Variants in ATG2A observed in about 807,000 individuals in gnomAD.
ATG2A encodes the protein autophagy-related protein 2 homolog A.
A neutral mutation model predicts 214.2 loss-of-function variants in ATG2A; 103 were observed. The observed-to-expected ratio is 0.48, with a 90% CI of 0.41 to 0.57. The LOEUF (loss-of-function observed/expected upper bound fraction) is 0.57. Ranked by LOEUF, ATG2A falls within the 20% of genes least tolerant of loss-of-function variation. ATG2A has a pLI of 0.00. For synonymous variants in ATG2A, 1,160 were observed against 1,142.1 expected, an observed-to-expected ratio of 1.02 and a Z score of -0.32; for missense variants, 2,312 against 2,613.2, an observed-to-expected ratio of 0.88 and a Z score of 2.51.
In ATG2A at chr11:64,905,852, C is replaced by T; in HGVS notation, c.3265-4G>A. On this transcript the variant is annotated splice_polypyrimidine_tract_variant and splice_region_variant and intron_variant, in intron 22 of 40. Coordinates refer to ENST00000377264, the MANE Select transcript of ATG2A (RefSeq NM_015104.3). ...GCACGTCTAGGAACTCCAACAACTT[C>T]AGAGGCCAGGGCAGGAGGAAGCAGT... The T allele has an allele frequency of 1.2e-6, 2 of 1,613,048 alleles. No homozygotes were observed. The highest frequency in any genetic ancestry group is 1.7e-6 in the Non-Finnish European group (2 of 1,179,804).
rs761324656 is a variant in ATG2A at position 64,894,721 on chromosome 11, C to T, written c.*252G>A. 2 of 696,234 alleles carry T rather than the reference C, an allele frequency of 2.9e-6. No individual in the cohort carries two copies. Among genetic ancestry groups the T allele is most frequent in the South Asian group, 3.0e-5 (2 of 66,896 alleles). 43.1% of individuals were successfully genotyped at this position (696,234 alleles called of 1,614,324 possible). On this transcript the variant is annotated 3_prime_UTR_variant, in exon 41 of 41. Transcript: ENST00000377264. ...CAAAAGCCTCCGTCCTGGGAGAAGG[C>T]AGCAGTGTGGGCCCAGGTCGGGGGA... is the stretch of plus-strand genomic sequence containing the variant.
In ATG2A at chr11:64,902,091, G is replaced by A. The variant is rs780202231; in HGVS notation, c.3990C>T (p.Val1330=). The change falls in exon 29 of 41, where the codon GTC becomes GTT. Residue 1330 remains valine, a synonymous_variant. Coordinates refer to ENST00000377264, the MANE Select transcript of ATG2A (RefSeq NM_015104.3). ...RSGAPPPSPP[V]GGPAGSLGSC... The stretch of plus-strand genomic sequence containing the variant: ...ACCCTAAGCTGCCAGCAGGGCCCCC[G>A]ACAGGTGGTGAAGGGGGTGGGGCCC... 1.7e-5 allele frequency: 28 copies of A among 1,613,988 alleles called. No individual in the cohort carries two copies. Among genetic ancestry groups the A allele is most frequent in the Non-Finnish European group, 2.4e-5 (28 of 1,180,020 alleles).
chr11:64,896,972 G>T (rs995441262), intron 37 of ATG2A, 103 bp from the exon 38 acceptor site: 88 of 1,485,264 alleles, frequency 5.9e-5, no homozygotes, highest in Non-Finnish European at 7.7e-5. Flanking sequence ...AGTACTGTGG[G>T]CACTCTACCC....
intron 29 of ATG2A, 79 bp from the exon 30 acceptor site, chr11:64,901,171 ACTT>A: frequency 2.1e-6 from 3 of 1,410,870 alleles, no homozygotes; most frequent in South Asian, 1.3e-5. Context: ...ACCTGGCCTC[ACTT>A]CTTTTTCATT....
chr11:64,909,218 C>A, intron 15 of ATG2A, 53 bp downstream of exon 15: 2 of 1,610,042 alleles, frequency 1.2e-6, no homozygotes, highest in African/African-American at 1.3e-5. Flanking sequence ...TGGCCCCCTG[C>A]CACCCCCAGC....
chr11:64,898,747 C>T lies in ATG2A; in HGVS notation c.4560G>A (p.Val1520=). The change falls in exon 32 of 41, where the codon GTG becomes GTA. Residue 1520 remains valine (V), a synonymous_variant. Coordinates refer to ENST00000377264, the MANE Select transcript of ATG2A (RefSeq NM_015104.3). The surrounding 1 kb of genome is among the most constrained non-coding windows in gnomAD (Gnocchi z 4.5). ...GGACCTCCAGCTCCTGCACGATGAACACCTGACGGGACAGCGGTCGCTCCT... is the reference window on the plus strand; with the variant it reads ...GGACCTCCAGCTCCTGCACGATGAATACCTGACGGGACAGCGGTCGCTCCT... ...ELEERPLSRQ[V]FIVQELEVRD... 1 of 1,614,070 alleles carries T rather than the reference C, an allele frequency of 6.2e-7. No individual in the cohort carries two copies. The highest frequency in any genetic ancestry group is 1.3e-5 in the African/African-American group (1 of 75,046).
At position 64,898,185 on chromosome 11, in the gene ATG2A, T is replaced by A; in HGVS notation, c.4774-15A>T. 1 of 1,613,684 alleles carries A rather than the reference T, an allele frequency of 6.2e-7. No individual in the cohort carries two copies. On this transcript the variant is annotated splice_polypyrimidine_tract_variant and intron_variant, in intron 33 of 40. Transcript: ENST00000377264. The surrounding 1 kb of genome is among the most constrained non-coding windows in gnomAD (Gnocchi z 4.5). ...AAGAGGGCATCCTGCAAGGGAGAGG[T>A]CCAGATGTGGATCAGACTCAGAGGC... is the stretch of plus-strand genomic sequence containing the variant.
chr11:64,916,303 G>T (rs563382163), intron 1 of ATG2A, among the ~76,000 whole-genome samples: 2 of 152,150 alleles, frequency 1.3e-5, no homozygotes, highest in Non-Finnish European at 2.9e-5. Flanking sequence ...GAGCCGGGGG[G>T]GTCGGTGGGA....
intron 30 of ATG2A, 74 bp from the exon 31 acceptor site, chr11:64,900,703 C>T: frequency 6.7e-7 from 1 of 1,486,422 alleles, no homozygotes; most frequent in South Asian, 1.4e-5. Context: ...GGCCTTTTAG[C>T]CTGGGACAAG....
Position 64,916,183 on chromosome 11 carries a change from C to T in ATG2A, c.171+782G>A, listed in dbSNP as rs538417689. ...GCTCCTCACCGTTCCCAGCCTCAAG[C>T]CTCTGACCTTACACCTCTTGGCCTC... On this transcript the variant is annotated intron_variant, in intron 1 of 40. Coordinates refer to ENST00000377264, the MANE Select transcript of ATG2A (RefSeq NM_015104.3). Among the ~76,000 whole-genome samples the T allele has an allele frequency of 2.0e-5, 3 of 152,338 alleles. No individual in the cohort carries two copies. The East Asian group carries it at 5.8e-4, about 29-fold the overall frequency.
At position 64,895,430 on chromosome 11, in the gene ATG2A, T is replaced by C; in HGVS notation, c.5440A>G (p.Thr1814Ala). Residue 1814 changes from threonine (T) to alanine (A), a missense_variant, in exon 40 of 41, where the codon ACC becomes GCC. Transcript: ENST00000377264. The surrounding 1 kb of genome is among the most constrained non-coding windows in gnomAD (Gnocchi z 5.0). ...LVQAIQATAE[T>A]VYDILSPAAP... ...GCCGGGGACAGGATGTCATACACGG[T>C]CTCAGCTGTGGCCTGGGGGACATGG... The C allele has an allele frequency of 6.3e-7, 1 of 1,591,744 alleles. No homozygotes were observed. The highest frequency in any genetic ancestry group is 8.6e-7 in the Non-Finnish European group (1 of 1,168,222).
intron 16 of ATG2A, among the ~76,000 whole-genome samples, chr11:64,908,395 T>C (rs931355260): frequency 3.3e-5 from 5 of 151,938 alleles, no homozygotes; most frequent in African/African-American, 9.7e-5. Flanking sequence ...CTACTAAAAA[T>C]ATAAAAATTA....
chr11:64,913,556 C>A lies in ATG2A; in HGVS notation c.591-155G>T. The A allele has an allele frequency of 9.1e-7, 1 of 1,093,196 alleles. No individual in the cohort carries two copies. The highest frequency in any genetic ancestry group is 1.3e-6 in the Non-Finnish European group (1 of 786,582). The allele number at this position is 1,093,196 out of a possible 1,614,324, so 67.7% of individuals were successfully genotyped here. ...CCGTCCTGAACCACCATGTCCAGCC[C>A]GGAGGCTCAGGCCAGCCCTTGCTCC... On this transcript the variant is annotated intron_variant, in intron 4 of 40. Transcript: ENST00000377264. This position sits in a 1 kb window ranked among gnomAD's most constrained non-coding sequence, Gnocchi z 4.3.
intron 29 of ATG2A, among the ~76,000 whole-genome samples, chr11:64,901,753 C>A (rs1437892995): frequency 1.3e-5 from 2 of 152,110 alleles, no homozygotes; most frequent in Non-Finnish European, 2.9e-5. Flanking sequence ...CTCTGGAAAT[C>A]CCCCTACTCC....
At position 64,900,527 on chromosome 11, in the gene ATG2A, C is replaced by T. The variant is rs776226177; in HGVS notation, c.4431G>A (p.Gln1477=). The T allele has an allele frequency of 2.5e-6, 4 of 1,613,474 alleles. No homozygotes were observed. The highest frequency in any genetic ancestry group is 3.4e-6 in the Non-Finnish European group (4 of 1,180,018). Residue 1477 remains glutamine, a synonymous_variant, in exon 31 of 41, where the codon CAG becomes CAA. Coordinates refer to ENST00000377264, the MANE Select transcript of ATG2A (RefSeq NM_015104.3). ...GCTGGATCTCCATGAGGACATGGTG[C>T]TGCCGCCCGCTGCCCCCCTGCGTGC... ...SWRTQGGSGR[Q]HHVLMEIQLS... is the part of the protein sequence containing the mutation.
intron 29 of ATG2A, 124 bp downstream of exon 29, chr11:64,901,838 C>A (rs1944359992): frequency 1.7e-6 from 2 of 1,157,362 alleles, no homozygotes; most frequent in Middle Eastern, 5.6e-4. Context: ...ATGGCAACCA[C>A]CTCCTGCCTG....
chr11:64,896,659 C>T (rs777427525), intron 38 of ATG2A, 43 bp from the exon 39 acceptor site: 2 of 1,607,274 alleles, frequency 1.2e-6, no homozygotes, highest in Non-Finnish European at 1.7e-6. Context: ...GCTGCCCTGC[C>T]CCCACCTCCT....
intron 24 of ATG2A, among the ~76,000 whole-genome samples, chr11:64,905,035 T>C (rs1043045808): frequency 6.6e-6 from 1 of 152,104 alleles, no homozygotes; most frequent in Non-Finnish European, 1.5e-5. Context: ...TTTGTATTTT[T>C]AGTAGAGACG....
At chr11:64,900,789 G>C in intron 30 of ATG2A, 95 bp downstream of exon 30, 3 of 1,453,878 alleles carry the variant, frequency 2.1e-6, no homozygotes, top group Non-Finnish European at 2.7e-6. Flanking sequence ...ACCTGGGGTG[G>C]ATGGGGCTCA....
Sources: allele counts gnomAD v4.1 joint callset (sites outside exome capture counted in the v4.1 genomes callset), GRCh38; gene constraint gnomAD v4.1.1; non-coding constraint Gnocchi (gnomAD v3.1); transcripts MANE v1.5; gene names NCBI Gene and HGNC (gene_info 2026-07-23, HGNC 2026-07-21).